Variants in GRIN2A observed in about 807,000 individuals in gnomAD.
GRIN2A encodes glutamate receptor ionotropic, NMDA 2A.
In GRIN2A, 22 loss-of-function variants were observed where a neutral mutation model predicts 113.4. That is an observed-to-expected ratio of 0.19 (90% CI 0.14 to 0.28). The LOEUF (loss-of-function observed/expected upper bound fraction) is 0.28. Among genes scored for constraint, GRIN2A ranks in the 10% least tolerant of loss-of-function variants. The probability of loss-of-function intolerance (pLI) is 1.00; values close to 1 mark genes in which losing one functional copy is unlikely to be tolerated. For synonymous variants in GRIN2A, 827 were observed against 738.4 expected (o/e 1.12, Z -1.94); for missense variants, 1,502 against 1,887.0 (o/e 0.80, Z 3.78).
intron 12 of GRIN2A, among the ~76,000 whole-genome samples, chr16:9,767,685 C>G (rs200278881): frequency 6.6e-6 from 1 of 151,900 alleles, no homozygotes; most frequent in African/African-American, 2.4e-5. Context: ...ATGGCTGAAA[C>G]GAATGAATGG....
intron 11 of GRIN2A, among the ~76,000 whole-genome samples, chr16:9,783,346 T>C (rs1237626333): frequency 6.6e-6 from 1 of 152,266 alleles, no homozygotes; most frequent in Non-Finnish European, 1.5e-5. Context: ...ATAGAAGTGC[T>C]GGCTCAGTCT....
At chr16:9,941,403 C>A (rs1026381193) in intron 2 of GRIN2A, among the ~76,000 whole-genome samples, 5 of 152,240 alleles carry the variant, frequency 3.3e-5, no homozygotes, top group African/African-American at 9.6e-5. Flanking sequence ...GCACTGTGAA[C>A]TTCCTCAGGA....
chr16:10,126,475 C>T (rs1430682287), intron 2 of GRIN2A, among the ~76,000 whole-genome samples: 2 of 152,180 alleles, frequency 1.3e-5, no homozygotes, highest in Non-Finnish European at 2.9e-5. Context: ...AGTTTCATTA[C>T]CGTATTTCAA....
Position 9,910,673 on chromosome 16 carries a change from G to A in GRIN2A, c.1008-19573C>T, listed in dbSNP as rs529511776. On this transcript the variant is annotated intron_variant, in intron 3 of 12. Coordinates refer to ENST00000330684, the MANE Select transcript of GRIN2A (RefSeq NM_001134407.3). ...CTGCCTCAGCCTCCTGAGTAGCTGG[G>A]ACTACAGGTGCCCACCACTACACCT... Among the ~76,000 whole-genome samples the A allele has an allele frequency of 2.0e-5, 3 of 151,902 alleles. No individual in the cohort carries two copies. In the South Asian group the frequency reaches 6.2e-4, roughly 32 times the overall value.
At chr16:9,832,888 A>G (rs1030639215) in intron 8 of GRIN2A, among the ~76,000 whole-genome samples, 1 of 152,212 alleles carries the variant, frequency 6.6e-6, no homozygotes, top group Non-Finnish European at 1.5e-5. Context: ...AATGGTGAGG[A>G]AGAAGTTGAA....
In GRIN2A at chr16:10,111,363, C is replaced by A. The variant is rs903947891; in HGVS notation, c.414+68635G>T. ...GCGGCCGCGCGGGTGTTTGTCGCTT[C>A]GCGGGGCCTTGCGGCAGCATGGCGA... On this transcript the variant is annotated intron_variant, in intron 2 of 12. Coordinates refer to ENST00000330684, the MANE Select transcript of GRIN2A (RefSeq NM_001134407.3). 1.0e-4 allele frequency: 44 copies of A among 437,834 alleles called. No homozygotes were observed. In the Admixed American group the frequency reaches 1.4e-3, roughly 14 times the overall value. The allele number at this position is 437,834 out of a possible 1,614,324, so 27.1% of individuals were successfully genotyped here.
chr16:9,940,437 A>T (rs974151626), intron 2 of GRIN2A, among the ~76,000 whole-genome samples: 1 of 152,202 alleles, frequency 6.6e-6, no homozygotes. Flanking sequence ...CTTTTGCAGA[A>T]ATCTAATATT....
intron 3 of GRIN2A, among the ~76,000 whole-genome samples, chr16:9,930,722 T>G (rs1173960199): frequency 6.6e-6 from 1 of 152,220 alleles, no homozygotes; most frequent in Non-Finnish European, 1.5e-5. Context: ...GCATTTCTAT[T>G]GGCATTACAA....
At chr16:9,782,872 G>T (rs1422856627) in intron 11 of GRIN2A, among the ~76,000 whole-genome samples, 1 of 152,116 alleles carries the variant, frequency 6.6e-6, no homozygotes, top group African/African-American at 2.4e-5. Context: ...TATGTCTCTA[G>T]TTAAAATTAG....
chr16:10,009,619 T>C (rs2046467087), intron 2 of GRIN2A, among the ~76,000 whole-genome samples: 1 of 152,162 alleles, frequency 6.6e-6, no homozygotes, highest in Non-Finnish European at 1.5e-5. Context: ...TGAGCTCACC[T>C]GGGCACCCAC....
intron 2 of GRIN2A, among the ~76,000 whole-genome samples, chr16:9,957,076 G>A (rs567662749): frequency 1.3e-5 from 2 of 152,242 alleles, no homozygotes; most frequent in East Asian, 1.9e-4. Context: ...CTGCTAATCA[G>A]AGAAAAGGTG....
chr16:9,878,854 G>GACACAC (rs35475437), intron 4 of GRIN2A, among the ~76,000 whole-genome samples: 1 of 149,110 alleles, frequency 6.7e-6, no homozygotes, highest in Non-Finnish European at 1.5e-5. Flanking sequence ...ACCAGTGCAA[G>GACACAC]ACACACACAC....
At chr16:10,047,551 G>A (rs556941448) in intron 2 of GRIN2A, among the ~76,000 whole-genome samples, 1 of 152,294 alleles carries the variant, frequency 6.6e-6, no homozygotes, top group East Asian at 1.9e-4. Context: ...TTACAGACTT[G>A]AGTCCCATAC....
At chr16:9,779,951 A>ACTGCAGAGCAGGACT (rs1901845538) in intron 11 of GRIN2A, among the ~76,000 whole-genome samples, 1 of 152,208 alleles carries the variant, frequency 6.6e-6, no homozygotes, top group African/African-American at 2.4e-5. Context: ...CTGACATTAA[A>ACTGCAGAGCAGGACT]TCTGAGGTCA....
chr16:9,961,521 A>G (rs932913020), intron 2 of GRIN2A, among the ~76,000 whole-genome samples: 1 of 152,226 alleles, frequency 6.6e-6, no homozygotes, highest in Admixed American at 6.5e-5. Context: ...AAACTAATCT[A>G]TGATGATTGA....
intron 2 of GRIN2A, among the ~76,000 whole-genome samples, chr16:9,949,613 C>T (rs564617662): frequency 6.1e-5 from 9 of 148,088 alleles, no homozygotes; most frequent in East Asian, 2.0e-4. Context: ...GATGGGTAGA[C>T]GGGTGGGTGG....
chr16:9,812,900 A>C (rs2042112490), intron 10 of GRIN2A, among the ~76,000 whole-genome samples: 1 of 152,206 alleles, frequency 6.6e-6, no homozygotes, highest in Non-Finnish European at 1.5e-5. Context: ...ATTGTGAAAG[A>C]AGAATCATGC....
chr16:10,101,357 C>T (rs995451604), intron 2 of GRIN2A, among the ~76,000 whole-genome samples: 2 of 152,166 alleles, frequency 1.3e-5, no homozygotes, highest in Non-Finnish European at 2.9e-5. Flanking sequence ...AGAACAGAAA[C>T]TAAAAGCCAC....
chr16:9,771,538 G>C (rs890307374), intron 11 of GRIN2A, among the ~76,000 whole-genome samples: 2 of 151,638 alleles, frequency 1.3e-5, no homozygotes, highest in Non-Finnish European at 2.9e-5. Context: ...TAAACCTCTA[G>C]TCTTTCAGAT....
Sources: allele counts gnomAD v4.1 joint callset (sites outside exome capture counted in the v4.1 genomes callset), GRCh38; gene constraint gnomAD v4.1.1; transcripts MANE v1.5; gene names NCBI Gene and HGNC (gene_info 2026-07-23, HGNC 2026-07-21).